Variants in TOX3 observed in about 807,000 individuals in gnomAD.
The protein encoded by TOX3 is TOX high mobility group box family member 3, also known as CAG trinucleotide repeat-containing gene F9 protein.
In TOX3, 22 loss-of-function variants were observed where a neutral mutation model predicts 64.3. That is an observed-to-expected ratio of 0.34 (90% confidence interval 0.24 to 0.49). The LOEUF is 0.49. Ranked by LOEUF, TOX3 falls within the 20% of genes least tolerant of loss-of-function variation. The pLI is 0.99. For synonymous variants in TOX3, 291 were observed against 273.6 expected, an observed-to-expected ratio of 1.06 and a Z score of -0.63; for missense variants, 661 against 714.4, an observed-to-expected ratio of 0.93 and a Z score of 0.85.
chr16:52,532,242 C>T (rs1000169440), intron 1 of TOX3, among the ~76,000 whole-genome samples: 5 of 152,208 alleles, frequency 3.3e-5, no homozygotes, highest in African/African-American at 1.2e-4. Flanking sequence ...TGGCTCCTCC[C>T]ATCAAGAAAT....
chr16:52,442,183 A>T (rs2151739506), intron 6 of TOX3, among the ~76,000 whole-genome samples: 1 of 152,316 alleles, frequency 6.6e-6, no homozygotes, highest in Middle Eastern at 3.4e-3. Context: ...TTTATGGCTT[A>T]ATAGTAAGCT....
At chr16:52,457,241 T>C (rs936777774) in intron 3 of TOX3, among the ~76,000 whole-genome samples, 8 of 152,198 alleles carry the variant, frequency 5.3e-5, no homozygotes, top group African/African-American at 1.9e-4. Flanking sequence ...ATCTAAGATA[T>C]AAGCTTTCAC....
chr16:52,470,859 T>A (rs928458773), intron 1 of TOX3, among the ~76,000 whole-genome samples: 1 of 152,174 alleles, frequency 6.6e-6, no homozygotes, highest in Non-Finnish European at 1.5e-5. Flanking sequence ...AAGGCCTTAA[T>A]TAATGGCTTT....
intron 1 of TOX3, among the ~76,000 whole-genome samples, chr16:52,487,505 C>T (rs889847755): frequency 2.0e-5 from 3 of 152,076 alleles, no homozygotes; most frequent in South Asian, 2.1e-4. Flanking sequence ...ATGTATTGCT[C>T]GAGAAACACT....
intron 3 of TOX3, among the ~76,000 whole-genome samples, chr16:52,458,803 C>A (rs937779681): frequency 6.6e-6 from 1 of 152,074 alleles, no homozygotes; most frequent in Admixed American, 6.5e-5. Context: ...CAAGGCTCTA[C>A]AAAGAAGGCA....
rs536294265 is a variant in TOX3, at chr16:52,470,136, C to T, written c.88-1562G>A. On this transcript the variant is annotated intron_variant, in intron 1 of 6. Coordinates refer to ENST00000219746, the MANE Select transcript of TOX3 (RefSeq NM_001080430.4). ...ACATGGGCACACACACACTCACACA[C>T]ATATTTTCCCTTGTTTTTCTACAAT... Among the ~76,000 whole-genome samples the T allele has an allele frequency of 9.2e-5, 14 of 152,356 alleles. 1 individual carries two copies. The highest frequency in any genetic ancestry group is 2.6e-4 in the African/African-American group (11 of 41,582).
intron 5 of TOX3, chr16:52,445,720 C>A (rs1960143156): frequency 5.7e-6 from 2 of 349,986 alleles, no homozygotes; most frequent in Non-Finnish European, 5.2e-6. Flanking sequence ...AAAAGATTAT[C>A]ATCAAAAGTT....
At chr16:52,525,690 T>C (rs1448901073) in intron 1 of TOX3, among the ~76,000 whole-genome samples, 1 of 152,070 alleles carries the variant, frequency 6.6e-6, no homozygotes, top group Non-Finnish European at 1.5e-5. Context: ...CGTGCATGCC[T>C]GCGTACACAC....
intron 1 of TOX3, among the ~76,000 whole-genome samples, chr16:52,530,987 A>T (rs1448859661): frequency 6.6e-6 from 1 of 152,206 alleles, no homozygotes. Flanking sequence ...GGCTCCGATG[A>T]TTTAAGCTGT....
At chr16:52,459,818 T>C (rs1276136004) in intron 3 of TOX3, among the ~76,000 whole-genome samples, 1 of 152,172 alleles carries the variant, frequency 6.6e-6, no homozygotes, top group African/African-American at 2.4e-5. Context: ...TAACGTAAGA[T>C]TTTTTTAAGT....
In TOX3 at chr16:52,540,013, C is replaced by T. The variant is rs764219392; in HGVS notation, c.87+6624G>A. Among the ~76,000 whole-genome samples, 32 of 152,056 alleles carry T rather than the reference C, an allele frequency of 2.1e-4. 1 individual carries two copies. Among genetic ancestry groups the T allele is most frequent in the Non-Finnish European group, 7.4e-5 (5 of 68,012 alleles). On this transcript the variant is annotated intron_variant, in intron 1 of 6. Transcript: ENST00000219746. ...CGGTCTCTCCTACTCTTGCCGGGGC[C>T]TACACCATTCTACTCAAAAGGTCAG...
At chr16:52,535,709 A>G (rs759705279) in intron 1 of TOX3, among the ~76,000 whole-genome samples, 1 of 152,150 alleles carries the variant, frequency 6.6e-6, no homozygotes, top group Non-Finnish European at 1.5e-5. Context: ...CATTTCTTCA[A>G]TGGCCTGAAT....
intron 1 of TOX3, among the ~76,000 whole-genome samples, chr16:52,482,493 G>A (rs1270129330): frequency 2.0e-5 from 3 of 152,224 alleles, no homozygotes; most frequent in South Asian, 2.1e-4. Context: ...GACCAAAAGG[G>A]AGGAAAAACA....
chr16:52,511,643 G>A (rs1962314653), intron 1 of TOX3, among the ~76,000 whole-genome samples: 3 of 152,178 alleles, frequency 2.0e-5, no homozygotes, highest in African/African-American at 7.2e-5. Context: ...GCTTCTTTAT[G>A]AGGAAAGAAT....
At chr16:52,463,182 A>T (rs1960745503) in intron 3 of TOX3, among the ~76,000 whole-genome samples, 1 of 152,190 alleles carries the variant, frequency 6.6e-6, no homozygotes, top group Non-Finnish European at 1.5e-5. Context: ...ATCTTGTTTT[A>T]AAAATGTCTA....
chr16:52,522,962 C>T (rs943048618), intron 1 of TOX3, among the ~76,000 whole-genome samples: 7 of 152,146 alleles, frequency 4.6e-5, no homozygotes, highest in East Asian at 1.9e-4. Flanking sequence ...GATGAAGCAA[C>T]GAACAAAAGA....
chr16:52,536,230 G>T (rs1962941618), intron 1 of TOX3, among the ~76,000 whole-genome samples: 1 of 152,026 alleles, frequency 6.6e-6, no homozygotes, highest in African/African-American at 2.4e-5. Context: ...TTCAAATAGG[G>T]TACATGCTAT....
rs1486508300 is a variant in TOX3, at chr16:52,479,529, T to G, written c.88-10955A>C. On this transcript the variant is annotated intron_variant, in intron 1 of 6. Coordinates refer to ENST00000219746, the MANE Select transcript of TOX3 (RefSeq NM_001080430.4). Reference sequence around the variant, plus strand: ...AATAATGTCTATTCTGCGTGTCTTCTCTTGTATTTGGCAAACTACTGGGCA... The same window carrying G: ...AATAATGTCTATTCTGCGTGTCTTCGCTTGTATTTGGCAAACTACTGGGCA... Among the ~76,000 whole-genome samples, 5 of 152,204 alleles carry G rather than the reference T, an allele frequency of 3.3e-5. 1 individual carries two copies. The South Asian group carries it at 8.3e-4, about 25-fold the overall frequency.
chr16:52,527,623 G>A (rs1373159580), intron 1 of TOX3, among the ~76,000 whole-genome samples: 1 of 152,182 alleles, frequency 6.6e-6, no homozygotes, highest in East Asian at 1.9e-4. Context: ...TATTTTACCT[G>A]ATCCAGGAGC....
Sources: allele counts gnomAD v4.1 joint callset (sites outside exome capture counted in the v4.1 genomes callset), GRCh38; gene constraint gnomAD v4.1.1; transcripts MANE v1.5; gene names NCBI Gene and HGNC (gene_info 2026-07-23, HGNC 2026-07-21).